The following ZDHHC20 variants were observed in gnomAD, a reference collection of about 807,000 sequenced individuals.
ZDHHC20 encodes zDHHC palmitoyltransferase 20, also known as palmitoyltransferase ZDHHC20.
ZDHHC20 carries 43 observed loss-of-function variants against 57.8 expected under a neutral mutation model. The observed-to-expected ratio is 0.74, with a 90% CI of 0.58 to 0.96. The LOEUF (loss-of-function observed/expected upper bound fraction) is 0.96. Ranked by LOEUF, ZDHHC20 falls within the 40% of genes least tolerant of loss-of-function variation. The probability of loss-of-function intolerance (pLI) is 0.00; values close to 1 mark genes in which losing one functional copy is unlikely to be tolerated. For synonymous variants in ZDHHC20, 157 were observed against 153.0 expected, an observed-to-expected ratio of 1.03 and a Z score of -0.19; for missense variants, 391 against 441.1, an observed-to-expected ratio of 0.89 and a Z score of 1.02.
chr13:21,374,399 G>GT lies in ZDHHC20; in HGVS notation c.*2296dup, dbSNP rs767392534. ...GCCACCATGCCTGGACAGTTTTGGG[G>GT]TTTTTTTGTATTTTTAGTGGAGACA... On this transcript the variant is annotated 3_prime_UTR_variant, in exon 13 of 13. Transcript: ENST00000400590. 4.6e-5 allele frequency: 21 copies of GT among 455,532 alleles called. No individual in the cohort carries two copies. The highest frequency in any genetic ancestry group is 6.6e-5 in the Non-Finnish European group (15 of 226,578). 28.2% of individuals were successfully genotyped at this position (455,532 alleles called of 1,614,324 possible).
chr13:21,403,531 T>C (rs1002899227), intron 4 of ZDHHC20, among the ~76,000 whole-genome samples: 1 of 152,114 alleles, frequency 6.6e-6, no homozygotes, highest in African/African-American at 2.4e-5. Context: ...AATAAACAAG[T>C]TAACAAAATA....
At chr13:21,442,527 G>T (rs574127668) in intron 1 of ZDHHC20, among the ~76,000 whole-genome samples, 7 of 152,298 alleles carry the variant, frequency 4.6e-5, no homozygotes, top group Admixed American at 3.9e-4. Context: ...GGCCAAGGCG[G>T]GTGGATCACT....
rs1163639163 is a variant in ZDHHC20 at position 21,413,641 on chromosome 13, C to T, written c.370+11G>A. Reference sequence around the variant, plus strand: ...AATCATTTGAAAAGGAAAACTTATTCTTTTTCTTACTTTTTGAAGCTGATG... The same window carrying T: ...AATCATTTGAAAAGGAAAACTTATTTTTTTTCTTACTTTTTGAAGCTGATG... On this transcript the variant is annotated intron_variant, in intron 4 of 12. Transcript: ENST00000400590. 1 of 1,574,458 alleles carries T rather than the reference C, an allele frequency of 6.4e-7. No homozygotes were observed. The highest frequency in any genetic ancestry group is 1.2e-5 in the South Asian group (1 of 83,750).
At position 21,376,722 on chromosome 13, in the gene ZDHHC20, G is replaced by A; in HGVS notation, c.*41-67C>T. 5 of 1,042,542 alleles carry A rather than the reference G, an allele frequency of 4.8e-6. No individual in the cohort carries two copies. The South Asian group carries it at 8.8e-5, about 18-fold the overall frequency. 64.6% of individuals were successfully genotyped at this position (1,042,542 alleles called of 1,614,324 possible). On this transcript the variant is annotated intron_variant, in intron 12 of 12. Coordinates refer to ENST00000400590, the MANE Select transcript of ZDHHC20 (RefSeq NM_001330059.2). ...TTATTTCTGAAAATATTTACTAAAT[G>A]GTTCTGTGGGCTAAGGTACAAAGCT...
At chr13:21,458,585 A>T (rs777952045) in intron 1 of ZDHHC20, among the ~76,000 whole-genome samples, 9 of 152,192 alleles carry the variant, frequency 5.9e-5, no homozygotes, top group Non-Finnish European at 1.5e-5. Context: ...AACCCGCCAC[A>T]GCCGGCTCTA....
chr13:21,427,855 A>AC lies in ZDHHC20; in HGVS notation c.119-2178dup, dbSNP rs1303054668. Among the ~76,000 whole-genome samples, 6 of 150,598 alleles carry AC rather than the reference A, an allele frequency of 4.0e-5. No individual in the cohort carries two copies. The East Asian group carries it at 1.2e-3, about 29-fold the overall frequency. On this transcript the variant is annotated intron_variant, in intron 1 of 12. Coordinates refer to ENST00000400590, the MANE Select transcript of ZDHHC20 (RefSeq NM_001330059.2). ...GTTTCAAAAAAAAAAAAAAAAAAAAACCAAACCAACAATGGCTAGAATCAC... is the reference window on the plus strand; with the variant it reads ...GTTTCAAAAAAAAAAAAAAAAAAAAACCCAAACCAACAATGGCTAGAATCAC...
chr13:21,422,507 C>G (rs1164091384), intron 2 of ZDHHC20, among the ~76,000 whole-genome samples: 1 of 152,156 alleles, frequency 6.6e-6, no homozygotes, highest in Non-Finnish European at 1.5e-5. Flanking sequence ...AACAGAAACT[C>G]CAGTCACGCA....
At chr13:21,405,837 C>G (rs1310370905) in intron 4 of ZDHHC20, among the ~76,000 whole-genome samples, 3 of 152,146 alleles carry the variant, frequency 2.0e-5, no homozygotes, top group Non-Finnish European at 2.9e-5. Flanking sequence ...ATTTTAAAAG[C>G]AGAATCCCTC....
chr13:21,398,547 A>C (rs1252491467), intron 7 of ZDHHC20, among the ~76,000 whole-genome samples: 1 of 152,188 alleles, frequency 6.6e-6, no homozygotes, highest in Non-Finnish European at 1.5e-5. Context: ...CTGGCAAATA[A>C]ATACATACAT....
At chr13:21,399,186 T>C (rs1877265053) in intron 7 of ZDHHC20, among the ~76,000 whole-genome samples, 1 of 151,728 alleles carries the variant, frequency 6.6e-6, no homozygotes, top group East Asian at 1.9e-4. Flanking sequence ...CTACTAAAAA[T>C]ACAAAAATTA....
At chr13:21,434,087 CGTGTGT>C (rs4062876) in intron 1 of ZDHHC20, among the ~76,000 whole-genome samples, 2 of 150,612 alleles carry the variant, frequency 1.3e-5, no homozygotes, top group Admixed American at 1.3e-4. Flanking sequence ...TCCTTTCCTA[CGTGTGT>C]GTGTGTGTGT....
intron 1 of ZDHHC20, among the ~76,000 whole-genome samples, chr13:21,451,055 A>G (rs1884394575): frequency 6.6e-6 from 1 of 152,210 alleles, no homozygotes; most frequent in Non-Finnish European, 1.5e-5. Context: ...TGCCTGGCCA[A>G]AAGTTTTTTG....
chr13:21,395,069 CTT>C (rs11335890), intron 7 of ZDHHC20, among the ~76,000 whole-genome samples: 72,341 of 144,550 alleles, frequency 0.5, 18,250 homozygotes, highest in Non-Finnish European at 0.58. Flanking sequence ...TAAATTCTTT[CTT>C]TTTTTTTTTT....
chr13:21,414,381 G>A (rs934113699), intron 3 of ZDHHC20, among the ~76,000 whole-genome samples: 1 of 149,322 alleles, frequency 6.7e-6, no homozygotes, highest in Admixed American at 6.7e-5. Context: ...TTTTTTTTGA[G>A]ACGGAGTCTT....
chr13:21,378,309 C>T (rs1328096852), intron 12 of ZDHHC20, among the ~76,000 whole-genome samples: 1 of 152,172 alleles, frequency 6.6e-6, no homozygotes, highest in Non-Finnish European at 1.5e-5. Context: ...ATCCTCCCAC[C>T]TTGAACTCCC....
intron 10 of ZDHHC20, 56 bp from the exon 11 acceptor site, chr13:21,381,605 TA>T: frequency 1.7e-6 from 2 of 1,150,896 alleles, no homozygotes; most frequent in Non-Finnish European, 2.6e-6. Flanking sequence ...TATGGATACT[TA>T]ATAAATTAAT....
At chr13:21,383,065 C>T (rs1873719645) in intron 9 of ZDHHC20, 56 bp from the exon 10 acceptor site, 1 of 1,408,244 alleles carries the variant, frequency 7.1e-7, no homozygotes, top group African/African-American at 1.4e-5. Context: ...TCAAAATGGT[C>T]AAATTTAACA....
chr13:21,423,324 C>G (rs142343573), intron 2 of ZDHHC20, among the ~76,000 whole-genome samples: 96 of 152,320 alleles, frequency 6.3e-4, no homozygotes, highest in Middle Eastern at 3.4e-3. Flanking sequence ...AAAATCTGCT[C>G]TCTCTATCCT....
chr13:21,411,048 G>A (rs570129560), intron 4 of ZDHHC20, among the ~76,000 whole-genome samples: 1 of 152,314 alleles, frequency 6.6e-6, no homozygotes, highest in Admixed American at 6.5e-5. Flanking sequence ...GAAAAGCATA[G>A]TGTCTGGGCC....
Sources: gnomAD v4.1 joint callset for allele counts (sites outside exome capture counted in the v4.1 genomes callset) on GRCh38, gnomAD v4.1.1 for gene constraint, MANE v1.5 for transcripts, NCBI Gene and HGNC (gene_info 2026-07-23, HGNC 2026-07-21) for gene names.